Variants in EPB42 observed in about 807,000 individuals in gnomAD.
EPB42 encodes protein 4.2.
A neutral mutation model predicts 76.9 loss-of-function variants in EPB42; 49 were observed. The observed-to-expected ratio is 0.64, with a 90% CI of 0.51 to 0.81. EPB42 has a LOEUF of 0.81. Among genes scored for constraint, EPB42 ranks in the 30% least tolerant of loss-of-function variants. The pLI is 0.00. For synonymous variants in EPB42, 310 were observed against 338.4 expected (o/e 0.92, Z 0.92); for missense variants, 731 against 867.6 (o/e 0.84, Z 1.98).
Position 43,220,809 on chromosome 15 carries a change from G to A in EPB42, c.10+7C>T. The A allele has an allele frequency of 6.2e-7, 1 of 1,612,182 alleles. No homozygotes were observed. The highest frequency in any genetic ancestry group is 8.5e-7 in the Non-Finnish European group (1 of 1,179,996). ...AGCAAGCCCTGTCGAGCGCTGGCTT[G>A]GCTCACCCTGTCCCATGGTTGCAGG... On this transcript the variant is annotated splice_region_variant and intron_variant, in intron 1 of 12. Transcript: ENST00000441366.
At chr15:43,214,344 G>T (rs1027798300) in intron 3 of EPB42, among the ~76,000 whole-genome samples, 1 of 152,074 alleles carries the variant, frequency 6.6e-6, no homozygotes, top group African/African-American at 2.4e-5. Flanking sequence ...GGCCACGGTT[G>T]GGGGGGCGGG....
chr15:43,201,330 A>C (rs746770254), intron 12 of EPB42, among the ~76,000 whole-genome samples: 1 of 152,238 alleles, frequency 6.6e-6, no homozygotes, highest in Non-Finnish European at 1.5e-5. Context: ...AAAGCAATTA[A>C]ATATAAATTT....
At position 43,207,319 on chromosome 15, in the gene EPB42, C is replaced by T. The variant is rs1229552702; in HGVS notation, c.1198G>A (p.Glu400Lys). 2 of 1,614,112 alleles carry T rather than the reference C, an allele frequency of 1.2e-6. No individual in the cohort carries two copies. The highest frequency in any genetic ancestry group is 1.7e-5 in the Admixed American group (1 of 60,008). The stretch of plus-strand genomic sequence containing the variant: ...TCAGTCAACTCCAGTGTCCCATCCT[C>T]ACAGCACTTCCAGACCACACATGAG... ...NASCVVWKCC[E>K]DGTLELTDSN... The change falls in exon 9 of 13, where the codon GAG becomes AAG. Residue 400 changes from glutamate to lysine, a missense_variant. Coordinates refer to ENST00000441366, the MANE Select transcript of EPB42 (RefSeq NM_001114134.2).
intron 1 of EPB42, among the ~76,000 whole-genome samples, chr15:43,218,008 G>GGGTGCCA (rs1555473922): frequency 6.6e-6 from 1 of 152,140 alleles, no homozygotes; most frequent in Non-Finnish European, 1.5e-5. Context: ...CTCTGTGTCT[G>GGGTGCCA]GTCCTCATGT....
Position 43,207,399 on chromosome 15 carries a change from T to C in EPB42, c.1118A>G (p.Glu373Gly). 6.2e-7 allele frequency: 1 copy of C among 1,614,090 alleles called. No individual in the cohort carries two copies. Among genetic ancestry groups the C allele is most frequent in the South Asian group, 1.1e-5 (1 of 91,084 alleles). Residue 373 changes from glutamate (E) to glycine (G), a missense_variant, in exon 9 of 13, where the codon GAG becomes GGG. By Grantham distance (98) the Glu-to-Gly change is moderately conservative (BLOSUM62 -2). Coordinates refer to ENST00000441366, the MANE Select transcript of EPB42 (RefSeq NM_001114134.2). Reference protein sequence around the residue: ...CDLVPVRAVKEGTLGLTPAVS... With the variant: ...CDLVPVRAVKGGTLGLTPAVS... ...TGCTGGGGTCAGCCCCAGCGTCCCC[T>C]CCTTGACTGCTCTGACCGGCACCAG...
chr15:43,217,795 A>G (rs1041967249), intron 1 of EPB42, among the ~76,000 whole-genome samples: 6 of 152,180 alleles, frequency 3.9e-5, no homozygotes, highest in African/African-American at 7.2e-5. Flanking sequence ...ATCTTGTCAA[A>G]TTCAGGATAC....
intron 8 of EPB42, among the ~76,000 whole-genome samples, chr15:43,207,889 A>G (rs1418775633): frequency 2.0e-5 from 3 of 152,102 alleles, no homozygotes; most frequent in Non-Finnish European, 4.4e-5. Flanking sequence ...TGCCCTCTTC[A>G]TCCGTGTCCA....
chr15:43,205,226 C>T (rs1316391762), intron 10 of EPB42, among the ~76,000 whole-genome samples: 1 of 152,138 alleles, frequency 6.6e-6, no homozygotes, highest in Non-Finnish European at 1.5e-5. Flanking sequence ...TCTCCCAACT[C>T]CACTCCTCCC....
chr15:43,220,872 T>C lies in EPB42; in HGVS notation c.-47A>G, dbSNP rs1445477682. On this transcript the variant is annotated 5_prime_UTR_variant, in exon 1 of 13. Transcript: ENST00000441366. ...TCCACTTGGCCGCAGAAAGCGCCTC[T>C]CTCAAACTGTTGCTTCTGGGCTCCT... is the stretch of plus-strand genomic sequence containing the variant. 2 of 1,552,346 alleles carry C rather than the reference T, an allele frequency of 1.3e-6. No homozygotes were observed. Among genetic ancestry groups the C allele is most frequent in the South Asian group, 2.2e-5 (2 of 90,064 alleles).
chr15:43,208,582 A>C, intron 7 of EPB42, 55 bp downstream of exon 7: 1 of 1,609,770 alleles, frequency 6.2e-7, no homozygotes, highest in Non-Finnish European at 8.5e-7. Context: ...GAGGTGTGCT[A>C]TGCAGGGTTG....
chr15:43,208,408 C>T lies in EPB42; in HGVS notation c.972-75G>A, dbSNP rs568598698. On this transcript the variant is annotated intron_variant, in intron 7 of 12. Transcript: ENST00000441366. ...AAGAGGTTCTGGAAATGCAGCCTGG[C>T]AGAGCTGTTGTTGTTCCAGTGGGAT... 1.6e-4 allele frequency: 247 copies of T among 1,520,120 alleles called. 2 individuals carry two copies. The South Asian group carries it at 2.6e-3, about 16-fold the overall frequency. 94.2% of individuals were successfully genotyped at this position (1,520,120 alleles called of 1,614,324 possible). A position where few individuals can be genotyped will look rare whatever the true frequency, so the allele number is the denominator to read the frequency against.
At chr15:43,224,263 C>A (rs903168229), upstream of EPB42, among the ~76,000 whole-genome samples, 2 of 152,150 alleles carry the variant, frequency 1.3e-5, no homozygotes, top group African/African-American at 4.8e-5. Flanking sequence ...TGGATTGAAG[C>A]CCATTCTTAT....
chr15:43,201,838 A>G lies in EPB42; in HGVS notation c.1913+6T>C. 2 of 1,614,186 alleles carry G rather than the reference A, an allele frequency of 1.2e-6. No individual in the cohort carries two copies. The highest frequency in any genetic ancestry group is 1.7e-6 in the Non-Finnish European group (2 of 1,180,012). On this transcript the variant is annotated splice_donor_region_variant and intron_variant, in intron 12 of 12. Coordinates refer to ENST00000441366, the MANE Select transcript of EPB42 (RefSeq NM_001114134.2). ...TCAGGGGGATGAGAAGCCTGCCATC[A>G]CTTACCTGTAGCTCCTCTCTCTGTG... is the stretch of plus-strand genomic sequence containing the variant.
chr15:43,221,822 A>T (rs922936586), upstream of EPB42, among the ~76,000 whole-genome samples: 5 of 98,760 alleles, frequency 5.1e-5, no homozygotes, highest in African/African-American at 1.4e-4. Flanking sequence ...CTTATTATGT[A>T]AAAAAAAAAA....
chr15:43,216,906 T>A (rs1051807601), intron 1 of EPB42, among the ~76,000 whole-genome samples: 1 of 152,192 alleles, frequency 6.6e-6, no homozygotes, highest in Admixed American at 6.5e-5. Flanking sequence ...TCCAATTCTC[T>A]TGTTTTATAG....
chr15:43,201,448 TAAAC>T (rs1198002532), intron 12 of EPB42, among the ~76,000 whole-genome samples: 14 of 152,268 alleles, frequency 9.2e-5, no homozygotes, highest in Non-Finnish European at 1.5e-4. Flanking sequence ...GGGAATAAAT[TAAAC>T]AAAATTGTAT....
rs570901065 is a variant in EPB42 at position 43,197,268 on chromosome 15, G to A, written c.*34C>T. ...ATGTTTGGTTTAGATTGTAGAACAAGGGTTGGCAGGAGAGTGGTGATAGAG... is the reference window on the plus strand; with the variant it reads ...ATGTTTGGTTTAGATTGTAGAACAAAGGTTGGCAGGAGAGTGGTGATAGAG... On this transcript the variant is annotated 3_prime_UTR_variant, in exon 13 of 13. Transcript: ENST00000441366. 50 of 1,613,932 alleles carry A rather than the reference G, an allele frequency of 3.1e-5. No homozygotes were observed. The South Asian group carries it at 5.2e-4, about 17-fold the overall frequency.
intron 8 of EPB42, 73 bp from the exon 9 acceptor site, chr15:43,207,514 C>T (rs1040287516): frequency 6.3e-7 from 1 of 1,599,978 alleles, no homozygotes. Flanking sequence ...TGCGTAACCT[C>T]AGTCCCCATC....
chr15:43,207,494 AG>A, intron 8 of EPB42, 53 bp from the exon 9 acceptor site: 1 of 1,606,774 alleles, frequency 6.2e-7, no homozygotes, highest in East Asian at 2.2e-5. Flanking sequence ...ACCTCTGCTC[AG>A]TTCAGAACTG....
Sources: allele counts gnomAD v4.1 joint callset (sites outside exome capture counted in the v4.1 genomes callset), GRCh38; gene constraint gnomAD v4.1.1; transcripts MANE v1.5; gene names NCBI Gene and HGNC (gene_info 2026-07-23, HGNC 2026-07-21).